Variants in VTI1A observed in about 807,000 individuals in gnomAD.
The protein encoded by VTI1A is vesicle transport through interaction with t-SNAREs 1A.
VTI1A carries 22 observed loss-of-function variants against 34.9 expected under a neutral mutation model. That is an observed-to-expected ratio of 0.63 (90% CI 0.45 to 0.90). VTI1A has a LOEUF of 0.90. Among genes scored for constraint, VTI1A ranks in the 40% least tolerant of loss-of-function variants. VTI1A has a pLI of 0.00. For synonymous variants in VTI1A, 87 were observed against 97.3 expected (o/e 0.89, Z 0.62); for missense variants, 268 against 275.6 (o/e 0.97, Z 0.20).
chr10:112,820,388 A>G (rs1012988291), downstream of VTI1A, among the ~76,000 whole-genome samples: 3 of 152,202 alleles, frequency 2.0e-5, no homozygotes, highest in Non-Finnish European at 4.4e-5. Context: ...ACCTCACCCT[A>G]TGCAGTAACT....
At chr10:112,554,305 G>A (rs759333329) in intron 5 of VTI1A, among the ~76,000 whole-genome samples, 16 of 152,162 alleles carry the variant, frequency 1.1e-4, no homozygotes, top group South Asian at 4.1e-4. Context: ...GGAACTTAAG[G>A]AAACTTAACA....
intron 5 of VTI1A, among the ~76,000 whole-genome samples, chr10:112,613,179 A>G (rs1431633640): frequency 6.6e-6 from 1 of 152,180 alleles, no homozygotes; most frequent in Non-Finnish European, 1.5e-5. Flanking sequence ...AACGGGATAT[A>G]CTATTTTATA....
chr10:112,541,679 A>G (rs192540975), intron 5 of VTI1A, among the ~76,000 whole-genome samples: 4 of 152,344 alleles, frequency 2.6e-5, no homozygotes, highest in Admixed American at 2.6e-4. Context: ...AAATTCTTGA[A>G]TCATTTTTGA....
chr10:112,521,502 T>C (rs950664526), intron 3 of VTI1A, among the ~76,000 whole-genome samples: 9 of 152,002 alleles, frequency 5.9e-5, no homozygotes, highest in Non-Finnish European at 1.0e-4. Context: ...ATACAAGGTG[T>C]TAGGGTAGGT....
At position 112,595,199 on chromosome 10, in the gene VTI1A, A is replaced by C. The variant is rs535521007; in HGVS notation, c.427+56869A>C. On this transcript the variant is annotated intron_variant, in intron 5 of 7. Transcript: ENST00000393077. ...AGACTTAAACATTAGACCTAAAACC[A>C]TAAAAACCCTAGAAGAAAACCTAGG... 7.2e-5 allele frequency among the ~76,000 whole-genome samples: 10 copies of C among 138,662 alleles called. No homozygotes were observed. The South Asian group carries it at 2.4e-3, about 33-fold the overall frequency. 91.0% of individuals were successfully genotyped at this position (138,662 alleles called of 152,430 possible). A position where few individuals can be genotyped will look rare whatever the true frequency, so the allele number is the denominator to read the frequency against.
chr10:112,800,587 T>C (rs1852844371), intron 7 of VTI1A, among the ~76,000 whole-genome samples: 1 of 152,244 alleles, frequency 6.6e-6, no homozygotes. Flanking sequence ...GCCATTTATT[T>C]ACTAATGTAA....
intron 7 of VTI1A, among the ~76,000 whole-genome samples, chr10:112,725,775 A>G (rs1849999191): frequency 6.6e-6 from 1 of 152,194 alleles, no homozygotes; most frequent in Non-Finnish European, 1.5e-5. Context: ...CAACCTGCAA[A>G]AGTGATCAAT....
chr10:112,598,982 T>C (rs1844777259), intron 5 of VTI1A, among the ~76,000 whole-genome samples: 1 of 152,106 alleles, frequency 6.6e-6, no homozygotes, highest in Admixed American at 6.5e-5. Flanking sequence ...GCAGTAAGAG[T>C]CTGCTCTATT....
At chr10:112,665,306 A>G (rs868280363) in intron 5 of VTI1A, among the ~76,000 whole-genome samples, 190 of 78,322 alleles carry the variant, frequency 2.4e-3, no homozygotes, top group East Asian at 0.011. Context: ...CAGTGGGGGA[A>G]AAAAAAAAAA....
intron 4 of VTI1A, among the ~76,000 whole-genome samples, chr10:112,535,650 A>G (rs12255451): frequency 1.6e-3 from 250 of 152,222 alleles, no homozygotes; most frequent in South Asian, 7.9e-3. Flanking sequence ...GCAGCTCCTC[A>G]CACAAGTTGA....
chr10:112,735,224 G>A (rs2133965662), intron 7 of VTI1A, among the ~76,000 whole-genome samples: 1 of 152,160 alleles, frequency 6.6e-6, no homozygotes, highest in South Asian at 2.1e-4. Flanking sequence ...TTGACAAATT[G>A]CACAGGAGGC....
At chr10:112,849,566 T>G in the VTI1A span, among the ~76,000 whole-genome samples, 1 of 152,228 alleles carries the variant, frequency 6.6e-6, no homozygotes, top group Non-Finnish European at 1.5e-5. Context: ...GGGCTCTGCC[T>G]GGGTATCCAT....
intron 3 of VTI1A, among the ~76,000 whole-genome samples, chr10:112,493,413 C>G (rs1289612989): frequency 6.6e-6 from 1 of 152,046 alleles, no homozygotes; most frequent in African/African-American, 2.4e-5. Context: ...TGAATAAAGA[C>G]AATTTTACTT....
chr10:112,486,151 A>C (rs1848618856), intron 3 of VTI1A, among the ~76,000 whole-genome samples: 1 of 152,166 alleles, frequency 6.6e-6, no homozygotes, highest in South Asian at 2.1e-4. Context: ...AACAGTTTAG[A>C]ATGCCATGTA....
intron 5 of VTI1A, among the ~76,000 whole-genome samples, chr10:112,624,621 G>A (rs764709580): frequency 2.6e-4 from 40 of 152,094 alleles, no homozygotes; most frequent in Non-Finnish European, 5.0e-4. Context: ...GATAAAAATC[G>A]AAGACACGTA....
the VTI1A span, among the ~76,000 whole-genome samples, chr10:112,828,408 T>C: frequency 6.6e-6 from 1 of 151,762 alleles, no homozygotes; most frequent in Admixed American, 6.6e-5. Context: ...AAAATTATTA[T>C]TATTATTATT....
At chr10:112,729,978 AGG>A (rs1850190766) in intron 7 of VTI1A, among the ~76,000 whole-genome samples, 1 of 152,154 alleles carries the variant, frequency 6.6e-6, no homozygotes, top group African/African-American at 2.4e-5. Flanking sequence ...CCTCCAATCC[AGG>A]GGCCCCAACA....
the VTI1A span, among the ~76,000 whole-genome samples, chr10:112,839,306 G>A: frequency 9.2e-5 from 14 of 152,292 alleles, 1 homozygote; most frequent in East Asian, 2.5e-3. Flanking sequence ...GAGAAGCACC[G>A]TGACAGTGAT....
chr10:112,737,716 A>G (rs1850542543), intron 7 of VTI1A: 1 of 1,058,714 alleles, frequency 9.4e-7, no homozygotes, highest in Non-Finnish European at 1.1e-6. Flanking sequence ...ACCTACAGTG[A>G]TCTGGAAAAT....
Sources: gnomAD v4.1 joint callset for allele counts (sites outside exome capture counted in the v4.1 genomes callset) on GRCh38, gnomAD v4.1.1 for gene constraint, MANE v1.5 for transcripts, NCBI Gene and HGNC (gene_info 2026-07-23, HGNC 2026-07-21) for gene names.